The following PRMT7 variants were observed in gnomAD, a reference collection of about 807,000 sequenced individuals.
PRMT7 encodes the protein protein arginine N-methyltransferase 7.
PRMT7 carries 75 observed loss-of-function variants against 85.4 expected under a neutral mutation model. The observed-to-expected ratio is 0.88, with a 90% confidence interval of 0.73 to 1.06. PRMT7 has a LOEUF of 1.06. PRMT7 is among the 50% of genes least tolerant of loss of function. The pLI is 0.00. For synonymous variants in PRMT7, 397 were observed against 359.5 expected (o/e 1.10, Z -1.18); for missense variants, 868 against 915.2 (o/e 0.95, Z 0.67).
intron 5 of PRMT7, chr16:68,328,131 A>T (rs1360325840): frequency 3.1e-6 from 1 of 326,254 alleles, no homozygotes; most frequent in Admixed American, 2.9e-5. Context: ...AAGCAGCTCC[A>T]CTGTGAATGC....
At chr16:68,333,259 G>A (rs996550031) in intron 6 of PRMT7, among the ~76,000 whole-genome samples, 7 of 151,990 alleles carry the variant, frequency 4.6e-5, no homozygotes, top group African/African-American at 1.4e-4. Flanking sequence ...CGAGGCTGGC[G>A]GATCACCTGA....
intron 6 of PRMT7, 23 bp from the exon 7 acceptor site, chr16:68,337,436 C>T (rs2084868332): frequency 6.4e-7 from 1 of 1,552,398 alleles, no homozygotes; most frequent in East Asian, 2.3e-5. Flanking sequence ...TTATGTCCAA[C>T]TCTGTTTTCT....
chr16:68,344,916 C>T (rs2086089967), intron 9 of PRMT7, among the ~76,000 whole-genome samples: 2 of 50,680 alleles, frequency 3.9e-5, no homozygotes, highest in Admixed American at 2.1e-4. Context: ...GTCTTTCTGC[C>T]TCCCTTCCTG....
intron 6 of PRMT7, among the ~76,000 whole-genome samples, chr16:68,335,325 A>G (rs2084509498): frequency 6.6e-6 from 1 of 151,682 alleles, no homozygotes; most frequent in South Asian, 2.1e-4. Context: ...TCCTGGAACT[A>G]GTAAATGATG....
At chr16:68,337,949 G>A (rs966502302) in intron 7 of PRMT7, among the ~76,000 whole-genome samples, 2 of 152,120 alleles carry the variant, frequency 1.3e-5, no homozygotes, top group South Asian at 2.1e-4. Flanking sequence ...CGGTGGCTCC[G>A]GAGCCTGCTT....
intron 3 of PRMT7, among the ~76,000 whole-genome samples, chr16:68,320,316 T>C (rs983828488): frequency 4.6e-5 from 7 of 152,162 alleles, no homozygotes; most frequent in South Asian, 2.1e-4. Context: ...CACAGAAATA[T>C]AGAGTGCAGA....
chr16:68,320,741 T>G (rs959038010), intron 3 of PRMT7, among the ~76,000 whole-genome samples: 4 of 152,150 alleles, frequency 2.6e-5, no homozygotes, highest in African/African-American at 9.7e-5. Flanking sequence ...CATTTTTAGG[T>G]CTGAGAACAT....
In PRMT7 at chr16:68,357,483, T is replaced by G. The variant is rs1376144407; in HGVS notation, c.*259T>G. The G allele has an allele frequency of 2.2e-6, 1 of 456,098 alleles. No homozygotes were observed. Among genetic ancestry groups the G allele is most frequent in the Non-Finnish European group, 3.9e-6 (1 of 257,400 alleles). The allele number at this position is 456,098 out of a possible 1,614,324, so 28.3% of individuals were successfully genotyped here. A position where few individuals can be genotyped will look rare whatever the true frequency, so the allele number is the denominator to read the frequency against. ...GACCCCCCTGCTTGTGCTTCTGAGG[T>G]GCTGAGAATGCTCCAACACAGAGAC... On this transcript the variant is annotated 3_prime_UTR_variant, in exon 19 of 19. Transcript: ENST00000441236.
At chr16:68,329,303 G>C (rs2083523716) in intron 6 of PRMT7, 129 bp downstream of exon 6, 1 of 627,542 alleles carries the variant, frequency 1.6e-6, no homozygotes, top group Non-Finnish European at 2.8e-6. Context: ...GTGGAGCTCT[G>C]ACAGTAAGGA....
chr16:68,322,072 C>T (rs1029510391), intron 4 of PRMT7, among the ~76,000 whole-genome samples: 6 of 152,032 alleles, frequency 3.9e-5, no homozygotes, highest in African/African-American at 1.5e-4. Context: ...CTCAACCTGC[C>T]TAAGTGTTGG....
intron 6 of PRMT7, among the ~76,000 whole-genome samples, chr16:68,333,583 A>G (rs970143106): frequency 6.6e-6 from 1 of 152,058 alleles, no homozygotes; most frequent in Non-Finnish European, 1.5e-5. Flanking sequence ...TCAGCCTCCC[A>G]AAGTGCTGGG....
Position 68,311,050 on chromosome 16 carries a change from C to A in PRMT7, c.-268C>A, listed in dbSNP as rs1037639509. ...GCGAGGTCCCGCCCCGCGTGCTGGCCGCGGTAAAAGTGGTAGCAGCGGAGG... is the reference window on the plus strand; with the variant it reads ...GCGAGGTCCCGCCCCGCGTGCTGGCAGCGGTAAAAGTGGTAGCAGCGGAGG... On this transcript the variant is annotated 5_prime_UTR_variant, in exon 1 of 19. Coordinates refer to ENST00000441236, the MANE Select transcript of PRMT7 (RefSeq NM_019023.5). The A allele has an allele frequency of 4.4e-6, 4 of 899,872 alleles. No individual in the cohort carries two copies. The highest frequency in any genetic ancestry group is 7.0e-6 in the Non-Finnish European group (4 of 567,536). 55.7% of individuals were successfully genotyped at this position (899,872 alleles called of 1,614,324 possible).
At chr16:68,344,037 A>T (rs933194814) in intron 9 of PRMT7, among the ~76,000 whole-genome samples, 1 of 152,190 alleles carries the variant, frequency 6.6e-6, no homozygotes, top group Non-Finnish European at 1.5e-5. Flanking sequence ...GGCACCTCTT[A>T]GCTCACTGCA....
At chr16:68,350,820 G>C (rs187775396) in intron 14 of PRMT7, among the ~76,000 whole-genome samples, 7 of 152,362 alleles carry the variant, frequency 4.6e-5, no homozygotes, top group Admixed American at 2.6e-4. Context: ...AATCAGACAA[G>C]TGTGTGGTCT....
At chr16:68,313,853 T>C (rs2044309929) in intron 2 of PRMT7, among the ~76,000 whole-genome samples, 1 of 152,182 alleles carries the variant, frequency 6.6e-6, no homozygotes, top group Non-Finnish European at 1.5e-5. Flanking sequence ...GAGGATCGCT[T>C]GAGTCCAGGA....
chr16:68,324,908 G>T, intron 5 of PRMT7, 76 bp downstream of exon 5: 1 of 1,572,768 alleles, frequency 6.4e-7, no homozygotes, highest in Non-Finnish European at 8.7e-7. Context: ...TTCCCCGTCT[G>T]TTCCTTCACA....
At chr16:68,334,947 C>G (rs926938437) in intron 6 of PRMT7, among the ~76,000 whole-genome samples, 1 of 152,086 alleles carries the variant, frequency 6.6e-6, no homozygotes, top group Non-Finnish European at 1.5e-5. Context: ...CAGGCGCGTG[C>G]TACTACACCC....
intron 2 of PRMT7, 51 bp downstream of exon 2, chr16:68,312,227 A>ATTTTTTT (rs778218819): frequency 0.011 from 990 of 88,224 alleles, 12 homozygotes; most frequent in African/African-American, 0.039. Flanking sequence ...ATATATATAT[A>ATTTTTTT]TATTTTTTTT....
rs2044689583 is a variant in PRMT7 at position 68,315,947 on chromosome 16, T to G, written c.-33T>G. 7.5e-6 allele frequency: 12 copies of G among 1,597,000 alleles called. No individual in the cohort carries two copies. The highest frequency in any genetic ancestry group is 1.0e-5 in the Non-Finnish European group (12 of 1,165,396). On this transcript the variant is annotated 5_prime_UTR_variant, in exon 3 of 19. Transcript: ENST00000441236. The stretch of plus-strand genomic sequence containing the variant: ...AAGAACTCAACTGGCAAGGCTGCTT[T>G]TCTGTGCTAAAACTGGGGAGCTAGT...
Sources: gnomAD v4.1 joint callset for allele counts (sites outside exome capture counted in the v4.1 genomes callset) on GRCh38, gnomAD v4.1.1 for gene constraint, MANE v1.5 for transcripts, NCBI Gene and HGNC (gene_info 2026-07-23, HGNC 2026-07-21) for gene names.